The following ADCY2 variants were observed in gnomAD, a reference collection of about 807,000 sequenced individuals.
The protein encoded by ADCY2 is adenylate cyclase type 2.
A neutral mutation model predicts 125.2 loss-of-function variants in ADCY2; 31 were observed. The observed-to-expected ratio is 0.25, with a 90% CI of 0.19 to 0.33. The LOEUF (loss-of-function observed/expected upper bound fraction) is 0.33. Among genes scored for constraint, ADCY2 ranks in the 10% least tolerant of loss-of-function variants. The pLI is 1.00. For missense variants in ADCY2, 904 were observed against 1,418.2 expected, an observed-to-expected ratio of 0.64 and a Z score of 5.82; for synonymous variants, 512 against 548.4, an observed-to-expected ratio of 0.93 and a Z score of 0.93.
chr5:7,589,458 A>AGAAAGAAAGAAAGAAAG (rs1554022168), intron 3 of ADCY2, among the ~76,000 whole-genome samples: 11 of 73,008 alleles, frequency 1.5e-4, no homozygotes, highest in African/African-American at 5.6e-4. Context: ...GAAGGAAAGA[A>AGAAAGAAAGAAAGAAAG]AAAGAAAGAA....
intron 11 of ADCY2, among the ~76,000 whole-genome samples, chr5:7,716,114 A>G (rs1741584488): frequency 6.6e-6 from 1 of 152,176 alleles, no homozygotes; most frequent in Admixed American, 6.5e-5. Flanking sequence ...AGCTCTTACT[A>G]TTTGGCACAA....
At chr5:7,520,949 G>T (rs1209190783) in intron 3 of ADCY2, 50 bp downstream of exon 3, 2 of 1,605,546 alleles carry the variant, frequency 1.2e-6, no homozygotes, top group African/African-American at 2.7e-5. Flanking sequence ...ATCCCACCAG[G>T]GGGTGAGGCA....
intron 1 of ADCY2, among the ~76,000 whole-genome samples, chr5:7,397,538 G>A (rs192913595): frequency 4.5e-5 from 6 of 133,622 alleles, no homozygotes; most frequent in Admixed American, 2.6e-4. Flanking sequence ...ATATAAATAT[G>A]TGCCTATATT....
At chr5:7,602,521 A>G (rs1737250374) in intron 3 of ADCY2, among the ~76,000 whole-genome samples, 1 of 152,126 alleles carries the variant, frequency 6.6e-6, no homozygotes, top group Non-Finnish European at 1.5e-5. Flanking sequence ...TTCTACCTAC[A>G]AGAAGTCTCC....
At chr5:7,535,081 C>A (rs1734772046) in intron 3 of ADCY2, among the ~76,000 whole-genome samples, 1 of 152,174 alleles carries the variant, frequency 6.6e-6, no homozygotes, top group South Asian at 2.1e-4. Context: ...GCTTTTGTCA[C>A]CCAGGCTAGA....
At chr5:7,598,963 G>T (rs1428267242) in intron 3 of ADCY2, among the ~76,000 whole-genome samples, 3 of 152,236 alleles carry the variant, frequency 2.0e-5, no homozygotes, top group South Asian at 4.1e-4. Flanking sequence ...CTGAGATCTG[G>T]GAGCTGCTCA....
At chr5:7,681,792 A>G (rs116306850) in intron 4 of ADCY2, among the ~76,000 whole-genome samples, 6,315 of 152,146 alleles carry the variant, frequency 0.042, 437 homozygotes, top group African/African-American at 0.14. Flanking sequence ...ATTTAAAAAA[A>G]GGGGGGCCAT....
At chr5:7,812,452 C>A (rs1015253839) in intron 22 of ADCY2, among the ~76,000 whole-genome samples, 1 of 152,148 alleles carries the variant, frequency 6.6e-6, no homozygotes, top group African/African-American at 2.4e-5. Context: ...CCACACTTAG[C>A]CATAAAACAA....
chr5:7,589,976 C>G (rs1736794510), intron 3 of ADCY2, among the ~76,000 whole-genome samples: 1 of 152,190 alleles, frequency 6.6e-6, no homozygotes, highest in African/African-American at 2.4e-5. Context: ...CCTTACCTGT[C>G]TATTTAGGTG....
At chr5:7,725,315 C>T (rs544792049) in intron 13 of ADCY2, among the ~76,000 whole-genome samples, 9 of 152,220 alleles carry the variant, frequency 5.9e-5, no homozygotes, top group Non-Finnish European at 1.2e-4. Context: ...AATTACAGGC[C>T]TACTTTGAAC....
At chr5:7,777,100 A>C (rs1743756231) in intron 18 of ADCY2, among the ~76,000 whole-genome samples, 1 of 151,676 alleles carries the variant, frequency 6.6e-6, no homozygotes, top group African/African-American at 2.4e-5. Flanking sequence ...CCTCTGGAAA[A>C]CCCCAACTAA....
At chr5:7,565,511 C>T (rs73048114) in intron 3 of ADCY2, among the ~76,000 whole-genome samples, 4,266 of 152,242 alleles carry the variant, frequency 0.028, 186 homozygotes, top group African/African-American at 0.097. Context: ...CTTATTTTCT[C>T]CAACATCAGT....
chr5:7,594,529 A>G (rs2126628912), intron 3 of ADCY2, among the ~76,000 whole-genome samples: 1 of 152,362 alleles, frequency 6.6e-6, no homozygotes, highest in African/African-American at 2.4e-5. Flanking sequence ...GTTTGTAAGT[A>G]GCCAGGAACT....
chr5:7,777,129 G>A (rs1304440312), intron 18 of ADCY2, among the ~76,000 whole-genome samples: 1 of 151,924 alleles, frequency 6.6e-6, no homozygotes, highest in African/African-American at 2.4e-5. Context: ...CCTCCCTCAA[G>A]CTTCTGGCTT....
chr5:7,456,235 A>G (rs1451867329), intron 2 of ADCY2, among the ~76,000 whole-genome samples: 1 of 152,226 alleles, frequency 6.6e-6, no homozygotes. Context: ...AGTAAAAGTC[A>G]GTTTTCTAGA....
At chr5:7,661,474 C>G (rs1338640650) in intron 4 of ADCY2, among the ~76,000 whole-genome samples, 1 of 152,108 alleles carries the variant, frequency 6.6e-6, no homozygotes, top group East Asian at 1.9e-4. Flanking sequence ...ATATTAAATG[C>G]AAGTGGATTA....
intron 3 of ADCY2, among the ~76,000 whole-genome samples, chr5:7,556,284 T>C (rs187741071): frequency 6.6e-6 from 1 of 152,210 alleles, no homozygotes; most frequent in Non-Finnish European, 1.5e-5. Context: ...GAAGTCATTA[T>C]GTCCCTAGAA....
intron 2 of ADCY2, among the ~76,000 whole-genome samples, chr5:7,476,843 G>A (rs914645092): frequency 6.6e-6 from 1 of 152,062 alleles, no homozygotes; most frequent in Non-Finnish European, 1.5e-5. Flanking sequence ...CAAAAATATT[G>A]TGCATCTAAT....
At chr5:7,695,730 C>T (rs556436108) in intron 5 of ADCY2, 22 bp from the exon 6 acceptor site, 86 of 1,497,164 alleles carry the variant, frequency 5.7e-5, no homozygotes, top group Non-Finnish European at 7.5e-5. Context: ...ACTCTGTCTC[C>T]TCACCTCCTT....
Sources: allele counts gnomAD v4.1 joint callset (sites outside exome capture counted in the v4.1 genomes callset), GRCh38; gene constraint gnomAD v4.1.1; transcripts MANE v1.5; gene names NCBI Gene and HGNC (gene_info 2026-07-23, HGNC 2026-07-21).